The following OSBPL6 variants were observed in gnomAD, a reference collection of about 807,000 sequenced individuals.
OSBPL6 encodes the protein oxysterol-binding protein-related protein 6.
In OSBPL6, 49 loss-of-function variants were observed where a neutral mutation model predicts 125.8. The observed-to-expected ratio is 0.39, with a 90% confidence interval of 0.31 to 0.49. OSBPL6 has a LOEUF of 0.49. Ranked by LOEUF, OSBPL6 falls within the 20% of genes least tolerant of loss-of-function variation. The probability of loss-of-function intolerance (pLI) is 0.88; values close to 1 mark genes in which losing one functional copy is unlikely to be tolerated. For synonymous variants in OSBPL6, 394 were observed against 391.8 expected (o/e 1.01, Z -0.07); for missense variants, 986 against 1,135.4 (o/e 0.87, Z 1.89).
At chr2:178,392,669 A>G in intron 23 of OSBPL6, 131 bp downstream of exon 23, 1 of 1,195,858 alleles carries the variant, frequency 8.4e-7, no homozygotes, top group South Asian at 1.7e-5. Context: ...CAGCCTGGAC[A>G]ATATAGTGAG....
intron 8 of OSBPL6, among the ~76,000 whole-genome samples, chr2:178,334,091 T>C (rs554071131): frequency 3.8e-4 from 58 of 152,234 alleles, no homozygotes; most frequent in African/African-American, 1.3e-3. Context: ...AAGCAAGAGA[T>C]GTTGTTTGTT....
chr2:178,306,578 T>G (rs145287935), intron 3 of OSBPL6, among the ~76,000 whole-genome samples: 3 of 152,262 alleles, frequency 2.0e-5, no homozygotes, highest in Non-Finnish European at 4.4e-5. Context: ...CATCAAGAAC[T>G]TGAACACTCT....
chr2:178,309,179 C>A (rs957088997), intron 3 of OSBPL6, among the ~76,000 whole-genome samples: 57 of 152,092 alleles, frequency 3.7e-4, no homozygotes, highest in African/African-American at 1.4e-3. Flanking sequence ...TCCCACTGGC[C>A]ACGCAAACCC....
intron 11 of OSBPL6, among the ~76,000 whole-genome samples, chr2:178,342,263 C>T (rs935860150): frequency 1.3e-5 from 2 of 152,092 alleles, no homozygotes. Context: ...GGTGCCCAGA[C>T]CATTCAGTGG....
intron 4 of OSBPL6, among the ~76,000 whole-genome samples, chr2:178,324,871 C>T (rs1688558349): frequency 6.6e-6 from 1 of 152,206 alleles, no homozygotes; most frequent in Non-Finnish European, 1.5e-5. Context: ...ACAACCAATG[C>T]TTGTCAGCTC....
At chr2:178,287,480 A>G (rs1684816278) in intron 2 of OSBPL6, among the ~76,000 whole-genome samples, 1 of 152,216 alleles carries the variant, frequency 6.6e-6, no homozygotes, top group South Asian at 2.1e-4. Flanking sequence ...TCAATACTTG[A>G]CAACATGCAG....
intron 1 of OSBPL6, among the ~76,000 whole-genome samples, chr2:178,200,580 A>G (rs1232401681): frequency 2.0e-5 from 3 of 151,812 alleles, no homozygotes; most frequent in East Asian, 3.9e-4. Flanking sequence ...ACTGCCCACA[A>G]ATCATGATGT....
intron 1 of OSBPL6, among the ~76,000 whole-genome samples, chr2:178,263,044 A>G (rs2092111900): frequency 6.6e-6 from 1 of 152,184 alleles, no homozygotes; most frequent in Non-Finnish European, 1.5e-5. Flanking sequence ...TTTCAAATTT[A>G]TCATGGAAAT....
chr2:178,256,367 G>A (rs1383145504), intron 1 of OSBPL6, among the ~76,000 whole-genome samples: 1 of 152,170 alleles, frequency 6.6e-6, no homozygotes, highest in Non-Finnish European at 1.5e-5. Context: ...GATTTATCTC[G>A]AAGGGGCCAG....
Position 178,395,793 on chromosome 2 carries a change from A to AAT in OSBPL6, c.*235_*236insTA, listed in dbSNP as rs1695807985. 2 of 522,574 alleles carry AAT rather than the reference A, an allele frequency of 3.8e-6. No individual in the cohort carries two copies. The highest frequency in any genetic ancestry group is 7.1e-6 in the Non-Finnish European group (2 of 282,896). The allele number at this position is 522,574 out of a possible 1,614,324, so 32.4% of individuals were successfully genotyped here. A position where few individuals can be genotyped will look rare whatever the true frequency, so the allele number is the denominator to read the frequency against. On this transcript the variant is annotated 3_prime_UTR_variant, in exon 25 of 25. Coordinates refer to ENST00000190611, the MANE Select transcript of OSBPL6 (RefSeq NM_032523.4). Reference sequence around the variant, plus strand: ...TCCTTAAAAAAAAAAAAAAAAAAAAAAAAAAAATCCACACCGTCCTTGGAA... The same window carrying AAT: ...TCCTTAAAAAAAAAAAAAAAAAAAAAATAAAAAAATCCACACCGTCCTTGGAA...
At chr2:178,201,842 G>T (rs1476965248) in intron 1 of OSBPL6, among the ~76,000 whole-genome samples, 1 of 152,216 alleles carries the variant, frequency 6.6e-6, no homozygotes, top group Admixed American at 6.5e-5. Context: ...TGAGAAGTGT[G>T]CCTGACAGTG....
At chr2:178,351,889 A>C (rs1451299952) in intron 12 of OSBPL6, among the ~76,000 whole-genome samples, 1 of 152,214 alleles carries the variant, frequency 6.6e-6, no homozygotes, top group Non-Finnish European at 1.5e-5. Context: ...ATTATTGGGT[A>C]CTGGGCTTAA....
At chr2:178,315,809 T>C (rs1358547796) in intron 3 of OSBPL6, among the ~76,000 whole-genome samples, 3 of 152,212 alleles carry the variant, frequency 2.0e-5, no homozygotes, top group Non-Finnish European at 4.4e-5. Flanking sequence ...TGAAAAGGCC[T>C]GAGAATCTGT....
At chr2:178,311,645 C>T (rs1285924428) in intron 3 of OSBPL6, among the ~76,000 whole-genome samples, 4 of 152,244 alleles carry the variant, frequency 2.6e-5, no homozygotes, top group South Asian at 2.1e-4. Context: ...ATTGGGAGCT[C>T]GGCTCCAGAG....
chr2:178,375,249 C>A (rs551347069), intron 15 of OSBPL6, among the ~76,000 whole-genome samples: 1 of 152,298 alleles, frequency 6.6e-6, no homozygotes, highest in East Asian at 1.9e-4. Context: ...CACCCTCCAT[C>A]ATAGGGATAC....
intron 1 of OSBPL6, among the ~76,000 whole-genome samples, chr2:178,240,851 A>G (rs2091260717): frequency 6.6e-6 from 1 of 152,234 alleles, no homozygotes; most frequent in Admixed American, 6.5e-5. Flanking sequence ...CTATACCACT[A>G]TCATTACTAA....
chr2:178,331,610 G>C lies in OSBPL6; in HGVS notation c.372+5G>C, dbSNP rs750824206. 6.2e-7 allele frequency: 1 copy of C among 1,613,950 alleles called. No homozygotes were observed. The highest frequency in any genetic ancestry group is 1.7e-5 in the Admixed American group (1 of 60,018). On this transcript the variant is annotated splice_donor_5th_base_variant and intron_variant, in intron 6 of 24. Coordinates refer to ENST00000190611, the MANE Select transcript of OSBPL6 (RefSeq NM_032523.4). ...TATTCAAAGGCACCACTCGATGTAA[G>C]TAGCACACAGGACATGTTTCAAAGG...
intron 12 of OSBPL6, 147 bp from the exon 13 acceptor site, chr2:178,361,535 C>A: frequency 1.1e-6 from 1 of 870,320 alleles, no homozygotes; most frequent in South Asian, 1.9e-5. Context: ...GATAAAGATT[C>A]CTTTTGAAGG....
chr2:178,221,028 G>T (rs185960116), intron 1 of OSBPL6, among the ~76,000 whole-genome samples: 1 of 152,308 alleles, frequency 6.6e-6, no homozygotes, highest in Non-Finnish European at 1.5e-5. Flanking sequence ...GGTGGGTTTA[G>T]CTCAGAGGTA....
Sources: allele counts gnomAD v4.1 joint callset (sites outside exome capture counted in the v4.1 genomes callset), GRCh38; gene constraint gnomAD v4.1.1; transcripts MANE v1.5; gene names NCBI Gene and HGNC (gene_info 2026-07-23, HGNC 2026-07-21).